Variants in MAGI2 observed in about 807,000 individuals in gnomAD.
The protein encoded by MAGI2 is membrane associated guanylate kinase, WW and PDZ domain containing 2.
MAGI2 carries 35 observed loss-of-function variants against 133.3 expected under a neutral mutation model. The ratio of observed to expected loss-of-function variants is 0.26; its 90% CI spans 0.20 to 0.35. The LOEUF is 0.35. Among genes scored for constraint, MAGI2 ranks in the 10% least tolerant of loss-of-function variants. MAGI2 has a pLI of 1.00. For missense variants in MAGI2, 1,636 were observed against 1,863.4 expected, an observed-to-expected ratio of 0.88 and a Z score of 2.25; for synonymous variants, 729 against 710.6, an observed-to-expected ratio of 1.03 and a Z score of -0.41.
chr7:78,986,879 C>A (rs1584586768), intron 2 of MAGI2, among the ~76,000 whole-genome samples: 2 of 151,904 alleles, frequency 1.3e-5, no homozygotes, highest in South Asian at 4.1e-4. Context: ...TCTCTTATAC[C>A]ATTTTCTGCT....
At chr7:79,124,802 G>T in intron 1 of MAGI2, 1 of 164,716 alleles carries the variant, frequency 6.1e-6, no homozygotes, top group Non-Finnish European at 1.3e-5. Flanking sequence ...GTTGAGCTTT[G>T]AAACAACCCA....
chr7:78,242,894 ATGT>A (rs1791305055), intron 10 of MAGI2, among the ~76,000 whole-genome samples: 1 of 152,046 alleles, frequency 6.6e-6, no homozygotes, highest in African/African-American at 2.4e-5. Flanking sequence ...CCTGAGCAAC[ATGT>A]TGTAATGTTA....
At chr7:79,131,867 C>T (rs912496570) in intron 1 of MAGI2, among the ~76,000 whole-genome samples, 34 of 151,900 alleles carry the variant, frequency 2.2e-4, no homozygotes, top group African/African-American at 7.2e-4. Flanking sequence ...GAATGATAGC[C>T]GTACCCTTTC....
chr7:78,606,959 C>A (rs1320187929), intron 3 of MAGI2, among the ~76,000 whole-genome samples: 1 of 152,142 alleles, frequency 6.6e-6, no homozygotes, highest in Non-Finnish European at 1.5e-5. Context: ...TTTATACATA[C>A]TTCTAAATGT....
chr7:79,102,212 G>A (rs1818046364), intron 1 of MAGI2, among the ~76,000 whole-genome samples: 2 of 152,026 alleles, frequency 1.3e-5, no homozygotes, highest in African/African-American at 2.4e-5. Context: ...TGGTTTGCAC[G>A]TATGCCCCAA....
At chr7:78,525,121 T>C (rs959743214) in intron 3 of MAGI2, among the ~76,000 whole-genome samples, 1 of 152,214 alleles carries the variant, frequency 6.6e-6, no homozygotes, top group South Asian at 2.1e-4. Context: ...CTATAAATTA[T>C]ACAACAATAT....
intron 2 of MAGI2, among the ~76,000 whole-genome samples, chr7:79,002,203 C>T (rs1037647286): frequency 6.6e-6 from 1 of 150,628 alleles, no homozygotes; most frequent in Non-Finnish European, 1.5e-5. Flanking sequence ...GCAATCATGG[C>T]TCACTGCAGC....
At chr7:78,092,282 G>A (rs1817285425) in intron 20 of MAGI2, among the ~76,000 whole-genome samples, 1 of 152,156 alleles carries the variant, frequency 6.6e-6, no homozygotes. Context: ...CAATGGTATT[G>A]ACAATGAGTG....
At chr7:78,840,222 G>A (rs1035151557) in intron 2 of MAGI2, among the ~76,000 whole-genome samples, 2 of 152,006 alleles carry the variant, frequency 1.3e-5, no homozygotes, top group African/African-American at 2.4e-5. Context: ...ACAGCATTCT[G>A]ATAGAACTAA....
chr7:79,162,379 A>C (rs1198374064), intron 1 of MAGI2, among the ~76,000 whole-genome samples: 1 of 152,046 alleles, frequency 6.6e-6, no homozygotes, highest in Non-Finnish European at 1.5e-5. Context: ...GATGTGTTTC[A>C]CTACAAATGC....
chr7:78,745,069 G>C (rs1380640459), intron 2 of MAGI2, among the ~76,000 whole-genome samples: 1 of 152,128 alleles, frequency 6.6e-6, no homozygotes, highest in Non-Finnish European at 1.5e-5. Flanking sequence ...AGAAAACAAA[G>C]GCACCAAGTC....
At chr7:78,504,449 A>G (rs7790347) in intron 4 of MAGI2, among the ~76,000 whole-genome samples, 106,568 of 151,874 alleles carry the variant, frequency 0.7, 38,568 homozygotes, top group African/African-American at 0.9. Context: ...AGGTACCATC[A>G]AGAGAAAGAA....
rs995583241 is a variant in MAGI2, at chr7:78,542,072, G to A, written c.539-20427C>T. Among the ~76,000 whole-genome samples the A allele has an allele frequency of 9.9e-5, 15 of 152,256 alleles. No homozygotes were observed. The South Asian group carries it at 1.5e-3, about 15-fold the overall frequency. ...ACAAACAGTCCATAAACAAATAAGT[G>A]TGGGTGTACACCAATAAAACATTAT... On this transcript the variant is annotated intron_variant, in intron 3 of 21. Coordinates refer to ENST00000354212, the MANE Select transcript of MAGI2 (RefSeq NM_012301.4).
rs569250368 is a variant in MAGI2, at chr7:78,555,341, T to C, written c.539-33696A>G. 3.9e-3 allele frequency among the ~76,000 whole-genome samples: 592 copies of C among 152,116 alleles called. 4 individuals carry two copies. Among genetic ancestry groups the C allele is most frequent in the Non-Finnish European group, 3.6e-3 (242 of 68,010 alleles). ...GACCCTAAGAGGGTGGAGGAATATC[T>C]TTCATTCCTTTTAGTACAAACAGGC... On this transcript the variant is annotated intron_variant, in intron 3 of 21. Coordinates refer to ENST00000354212, the MANE Select transcript of MAGI2 (RefSeq NM_012301.4).
intron 6 of MAGI2, among the ~76,000 whole-genome samples, chr7:78,377,582 T>C (rs941694791): frequency 6.6e-6 from 1 of 151,042 alleles, no homozygotes; most frequent in Non-Finnish European, 1.5e-5. Flanking sequence ...GAAAAAAGTA[T>C]GAGGTGAATA....
At chr7:78,925,726 C>A (rs1011614105) in intron 2 of MAGI2, among the ~76,000 whole-genome samples, 2 of 151,880 alleles carry the variant, frequency 1.3e-5, no homozygotes, top group African/African-American at 4.8e-5. Context: ...TTTTACCTTG[C>A]AAAATGTATT....
chr7:79,127,764 ATGG>A (rs1820560092), intron 1 of MAGI2, among the ~76,000 whole-genome samples: 1 of 152,076 alleles, frequency 6.6e-6, no homozygotes, highest in Admixed American at 6.6e-5. Context: ...GTTCACTTTG[ATGG>A]TAGTTTCTTT....
chr7:79,315,866 G>T (rs1450694854), intron 1 of MAGI2, among the ~76,000 whole-genome samples: 2 of 152,128 alleles, frequency 1.3e-5, no homozygotes, highest in Non-Finnish European at 2.9e-5. Context: ...ATGGGCAAAA[G>T]ATATGTAGTA....
intron 2 of MAGI2, among the ~76,000 whole-genome samples, chr7:78,694,465 A>T (rs146008382): frequency 6.6e-6 from 1 of 152,132 alleles, no homozygotes; most frequent in African/African-American, 2.4e-5. Flanking sequence ...ACACAGTCTA[A>T]AACCATGCTC....
Sources: gnomAD v4.1 joint callset for allele counts (sites outside exome capture counted in the v4.1 genomes callset) on GRCh38, gnomAD v4.1.1 for gene constraint, MANE v1.5 for transcripts, NCBI Gene and HGNC (gene_info 2026-07-23, HGNC 2026-07-21) for gene names.